The following RBFOX1 variants were observed in gnomAD, a reference collection of about 807,000 sequenced individuals.
The protein encoded by RBFOX1 is RNA binding fox-1 homolog 1.
In RBFOX1, 8 loss-of-function variants were observed where a neutral mutation model predicts 57.7. The ratio of observed to expected loss-of-function variants is 0.14; its 90% CI spans 0.08 to 0.25. The LOEUF is 0.25. Ranked by LOEUF, RBFOX1 falls within the 10% of genes least tolerant of loss-of-function variation. The pLI is 1.00. For synonymous variants in RBFOX1, 326 were observed against 222.4 expected (o/e 1.47, Z -4.15); for missense variants, 611 against 548.5 (o/e 1.11, Z -1.14).
intron 3 of RBFOX1, among the ~76,000 whole-genome samples, chr16:5,731,290 T>TCAC (rs201944137): frequency 0.021 from 3,221 of 152,168 alleles, 109 homozygotes; most frequent in African/African-American, 0.073. Flanking sequence ...GTCATCACTA[T>TCAC]CACCACCACC....
chr16:5,370,782 C>G (rs1366142163), intron 1 of RBFOX1, among the ~76,000 whole-genome samples: 1 of 152,100 alleles, frequency 6.6e-6, no homozygotes, highest in African/African-American at 2.4e-5. Context: ...TGTGAGCCAG[C>G]ATGCCTGGCC....
At chr16:6,113,391 A>G (rs2096465910) in intron 1 of RBFOX1, among the ~76,000 whole-genome samples, 1 of 152,222 alleles carries the variant, frequency 6.6e-6, no homozygotes, top group African/African-American at 2.4e-5. Context: ...GTGTTTTTTA[A>G]TACTACTTCA....
intron 1 of RBFOX1, among the ~76,000 whole-genome samples, chr16:5,387,191 C>G (rs902752204): frequency 6.6e-6 from 1 of 152,152 alleles, no homozygotes; most frequent in Non-Finnish European, 1.5e-5. Context: ...TAGTACTGTG[C>G]TTGGCCCTTA....
chr16:6,919,291 G>A (rs936891142), intron 3 of RBFOX1, among the ~76,000 whole-genome samples: 1 of 152,040 alleles, frequency 6.6e-6, no homozygotes, highest in Non-Finnish European at 1.5e-5. Flanking sequence ...CCTGGCCCAA[G>A]AGGTAATGTT....
At chr16:6,382,407 T>C (rs1891325) in intron 2 of RBFOX1, among the ~76,000 whole-genome samples, 30,399 of 152,238 alleles carry the variant, frequency 0.2, 4,734 homozygotes, top group African/African-American at 0.43. Context: ...GGTAAAGGAA[T>C]GGTACTGAGG....
rs544868215 is a variant in RBFOX1, at chr16:6,809,482, C to T, written c.-16+154832C>T. The stretch of plus-strand genomic sequence containing the variant: ...CCTGAGATACAAAAATATTATCTTC[C>T]TCATCTACATTGAAGAGCTGTCATT... On this transcript the variant is annotated intron_variant, in intron 3 of 15. Transcript: ENST00000550418. Among the ~76,000 whole-genome samples the T allele has an allele frequency of 1.2e-3, 184 of 152,138 alleles. 4 individuals are homozygous for T. The highest frequency in any genetic ancestry group is 1.0e-3 in the Non-Finnish European group (70 of 67,996).
intron 3 of RBFOX1, among the ~76,000 whole-genome samples, chr16:5,845,026 G>A (rs1423432353): frequency 6.6e-6 from 1 of 150,928 alleles, no homozygotes; most frequent in Admixed American, 6.6e-5. Flanking sequence ...GAACCAAAAA[G>A]CATTTAGGGA....
At chr16:6,862,942 G>A (rs1178468324) in intron 3 of RBFOX1, among the ~76,000 whole-genome samples, 4 of 151,390 alleles carry the variant, frequency 2.6e-5, no homozygotes, top group African/African-American at 7.3e-5. Flanking sequence ...CTGAGATCAC[G>A]GCACTGCACT....
At chr16:7,137,555 G>C (rs372177207) in intron 4 of RBFOX1, among the ~76,000 whole-genome samples, 1 of 152,142 alleles carries the variant, frequency 6.6e-6, no homozygotes, top group Admixed American at 6.5e-5. Flanking sequence ...GTGGAACTGT[G>C]AGTCCATTAA....
chr16:6,746,183 C>G (rs2073576585), intron 3 of RBFOX1, among the ~76,000 whole-genome samples: 1 of 152,042 alleles, frequency 6.6e-6, no homozygotes, highest in African/African-American at 2.4e-5. Context: ...TTATCTTAGT[C>G]TCCCCTAATT....
intron 3 of RBFOX1, among the ~76,000 whole-genome samples, chr16:6,957,227 G>A (rs987412522): frequency 1.9e-4 from 29 of 151,492 alleles, no homozygotes; most frequent in African/African-American, 7.0e-4. Flanking sequence ...CGCCTCCCGG[G>A]TTCACGCCAT....
intron 3 of RBFOX1, among the ~76,000 whole-genome samples, chr16:6,819,981 C>T (rs987797173): frequency 9.9e-5 from 15 of 152,126 alleles, no homozygotes; most frequent in Admixed American, 1.3e-4. Context: ...TGTCCCCACC[C>T]AAATCACATC....
At chr16:7,355,497 A>T (rs2097199069) in intron 4 of RBFOX1, among the ~76,000 whole-genome samples, 2 of 152,118 alleles carry the variant, frequency 1.3e-5, no homozygotes, top group Non-Finnish European at 1.5e-5. Context: ...ATGTAATTAC[A>T]TGCATAGGTA....
chr16:7,076,603 G>A lies in RBFOX1; in HGVS notation c.27+24505G>A, dbSNP rs74340422. Among the ~76,000 whole-genome samples, 437 of 152,258 alleles carry A rather than the reference G, an allele frequency of 2.9e-3. 2 individuals are homozygous for A. The highest frequency in any genetic ancestry group is 0.01 in the African/African-American group (422 of 41,556). On this transcript the variant is annotated intron_variant, in intron 4 of 15. Coordinates refer to ENST00000550418, the MANE Select transcript of RBFOX1 (RefSeq NM_018723.4). ...TGAATTTCTTCAAATTACTGCTTTA[G>A]CAAAACTTTATTTTTGCACATGAAA...
intron 1 of RBFOX1, among the ~76,000 whole-genome samples, chr16:6,125,685 G>A (rs1268723284): frequency 2.6e-5 from 4 of 152,164 alleles, no homozygotes; most frequent in South Asian, 2.1e-4. Context: ...GCAGAAATGC[G>A]TGTCTAACCT....
chr16:5,347,415 T>C (rs563421232), intron 1 of RBFOX1, among the ~76,000 whole-genome samples: 122 of 152,156 alleles, frequency 8.0e-4, no homozygotes, highest in Non-Finnish European at 1.1e-3. Flanking sequence ...CTATGTCAGG[T>C]GGTGTACAAG....
intron 14 of RBFOX1, among the ~76,000 whole-genome samples, chr16:7,702,524 A>C (rs2148231164): frequency 6.6e-6 from 1 of 152,336 alleles, no homozygotes; most frequent in Middle Eastern, 3.4e-3. Flanking sequence ...TGCCCATAAC[A>C]GTTTATGATT....
At chr16:7,479,118 T>G (rs1284636238) in intron 4 of RBFOX1, among the ~76,000 whole-genome samples, 3 of 149,342 alleles carry the variant, frequency 2.0e-5, no homozygotes, top group African/African-American at 7.4e-5. Context: ...CAGTTTTGTT[T>G]TTTTTTTTTT....
chr16:5,485,425 A>G (rs1866509328), intron 2 of RBFOX1, among the ~76,000 whole-genome samples: 1 of 137,712 alleles, frequency 7.3e-6, no homozygotes, highest in Non-Finnish European at 1.6e-5. Flanking sequence ...CATGCATACC[A>G]AGAGGTGAGA....
Sources: gnomAD v4.1 joint callset for allele counts (sites outside exome capture counted in the v4.1 genomes callset) on GRCh38, gnomAD v4.1.1 for gene constraint, MANE v1.5 for transcripts, NCBI Gene and HGNC (gene_info 2026-07-23, HGNC 2026-07-21) for gene names.